Variants in SLC7A7 observed in about 807,000 individuals in gnomAD.
SLC7A7 encodes the protein Y+L amino acid transporter 1.
Under a neutral mutation model 47.9 loss-of-function variants are expected in SLC7A7, and 39 were observed. The ratio of observed to expected loss-of-function variants is 0.81; its 90% confidence interval spans 0.63 to 1.06. SLC7A7 has a LOEUF of 1.06. Ranked by LOEUF, SLC7A7 falls within the 50% of genes least tolerant of loss-of-function variation. SLC7A7 has a pLI of 0.00. For synonymous variants in SLC7A7, 234 were observed against 242.8 expected (o/e 0.96, Z 0.34); for missense variants, 588 against 632.0 (o/e 0.93, Z 0.75).
At chr14:22,799,448 C>CTTTTTTTTTTTTTTTTTTTT (rs56375225) in intron 2 of SLC7A7, among the ~76,000 whole-genome samples, 43 of 76,186 alleles carry the variant, frequency 5.6e-4, no homozygotes, top group Admixed American at 6.2e-4. Flanking sequence ...TTTTTTCTTT[C>CTTTTTTTTTTTTTTTTTTTT]TTTTTTTTTT....
At chr14:22,806,860 C>A (rs1328625682) in intron 2 of SLC7A7, among the ~76,000 whole-genome samples, 1 of 151,586 alleles carries the variant, frequency 6.6e-6, no homozygotes, top group Admixed American at 6.6e-5. Context: ...AGCTCCCCGA[C>A]CCCCGGCAAA....
upstream of SLC7A7, among the ~76,000 whole-genome samples, chr14:22,816,878 C>T (rs2039413754): frequency 6.6e-6 from 1 of 152,018 alleles, no homozygotes; most frequent in Non-Finnish European, 1.5e-5. Flanking sequence ...TCCCAGAGAT[C>T]ATGCTTCTCC....
rs375801568 is a variant in SLC7A7, at chr14:22,812,997, G to A, written c.402C>T (p.Ile134=). The part of the protein sequence containing the change: ...LLIIEPTSQA[I]IAITFANYMV... ...TGTAGTTGGCAAAGGTGATGGCAAT[G>A]ATGGCCTGGCTGGTGGGCTCAATGA... The change falls in exon 2 of 10, where the codon ATC becomes ATT. Residue 134 remains isoleucine (I), a synonymous_variant. Transcript: ENST00000674313. The A allele has an allele frequency of 1.2e-6, 2 of 1,614,054 alleles. No individual in the cohort carries two copies. The highest frequency in any genetic ancestry group is 2.2e-5 in the East Asian group (1 of 44,886).
At chr14:22,803,524 G>C (rs1351781541) in intron 2 of SLC7A7, among the ~76,000 whole-genome samples, 1 of 152,206 alleles carries the variant, frequency 6.6e-6, no homozygotes, top group African/African-American at 2.4e-5. Context: ...TGGAGTAAGG[G>C]AATAAGCTCT....
chr14:22,788,072 C>CA (rs1222180706), intron 2 of SLC7A7, among the ~76,000 whole-genome samples: 107 of 137,276 alleles, frequency 7.8e-4, no homozygotes, highest in Middle Eastern at 7.7e-3. Context: ...GAGTTCGTCT[C>CA]AAAAAAAAAA....
upstream of SLC7A7, chr14:22,815,835 A>G: frequency 2.7e-6 from 1 of 373,068 alleles, no homozygotes; most frequent in South Asian, 2.0e-5. Context: ...TCTCACCCCA[A>G]GCATTTAAGA....
intron 2 of SLC7A7, among the ~76,000 whole-genome samples, chr14:22,795,417 T>TC (rs2039001004): frequency 6.8e-6 from 1 of 146,712 alleles, no homozygotes; most frequent in Non-Finnish European, 1.5e-5. Flanking sequence ...TTTCTTTCTT[T>TC]CTTTCTTTCT....
chr14:22,774,632 A>G, intron 7 of SLC7A7, 129 bp from the exon 8 acceptor site: 2 of 1,245,888 alleles, frequency 1.6e-6, no homozygotes, highest in South Asian at 2.4e-5. Context: ...TCTGGTTTTA[A>G]TCCCTTTAAC....
chr14:22,780,309 A>C, intron 2 of SLC7A7: 1 of 451,056 alleles, frequency 2.2e-6, no homozygotes, highest in Non-Finnish European at 4.1e-6. Flanking sequence ...TGCTTACATA[A>C]AAAATACATC....
intron 8 of SLC7A7, 48 bp from the exon 9 acceptor site, chr14:22,774,164 AC>A (rs1239186786): frequency 3.1e-6 from 5 of 1,609,200 alleles, no homozygotes; most frequent in African/African-American, 1.3e-5. Flanking sequence ...AGGATTCTTA[AC>A]AGCTAAAATA....
chr14:22,782,753 C>T (rs1027587578), intron 2 of SLC7A7, among the ~76,000 whole-genome samples: 1 of 150,966 alleles, frequency 6.6e-6, no homozygotes, highest in Non-Finnish European at 1.5e-5. Flanking sequence ...TGAGCCACCA[C>T]ACCCGTCCCT....
intron 3 of SLC7A7, 137 bp from the exon 4 acceptor site, chr14:22,779,074 C>T (rs2038669095): frequency 1.7e-5 from 17 of 1,009,956 alleles, no homozygotes; most frequent in Non-Finnish European, 2.3e-5. Context: ...AGCAAGAGTA[C>T]CAGTAAGGGA....
chr14:22,810,039 C>CAAAAAAAAAAAAAAA, intron 2 of SLC7A7, among the ~76,000 whole-genome samples: 1 of 60,694 alleles, frequency 1.6e-5, no homozygotes, highest in Non-Finnish European at 2.8e-5. Context: ...AACACTGTCT[C>CAAAAAAAAAAAAAAA]AAAAAAAAAA....
At chr14:22,797,103 T>G (rs180890379) in intron 2 of SLC7A7, among the ~76,000 whole-genome samples, 3 of 152,320 alleles carry the variant, frequency 2.0e-5, no homozygotes, top group Admixed American at 2.0e-4. Context: ...TATCTTTATT[T>G]TACACTTGAG....
rs565437520 is a variant in SLC7A7, at chr14:22,805,017, AAAAC to A, written c.499+7879_499+7882del. 7.9e-5 allele frequency among the ~76,000 whole-genome samples: 12 copies of A among 152,250 alleles called. No individual in the cohort carries two copies. In the East Asian group the frequency reaches 1.7e-3, roughly 22 times the overall value. On this transcript the variant is annotated intron_variant, in intron 2 of 9. Transcript: ENST00000674313. Reference sequence around the variant, plus strand: ...AGTGAAACTTCGTCTCAAAAAACAAAAAACAAACAAACAAAAAAAGGCAAGAAAC... The same window carrying A: ...AGTGAAACTTCGTCTCAAAAAACAAAAAACAAACAAAAAAAGGCAAGAAAC...
rs186928948 is a variant in SLC7A7 at position 22,812,199 on chromosome 14, C to T, written c.499+701G>A. Among the ~76,000 whole-genome samples the T allele has an allele frequency of 4.6e-3, 699 of 151,952 alleles. 5 individuals carry two copies. The highest frequency in any genetic ancestry group is 0.016 in the African/African-American group (663 of 41,446). On this transcript the variant is annotated intron_variant, in intron 2 of 9. Transcript: ENST00000674313. ...TTTATTTTTTTGAGATAGAGTCTCA[C>T]TCTGTTGCCCAGGCTGGAGTGCAGT...
upstream of SLC7A7, among the ~76,000 whole-genome samples, chr14:22,817,491 C>A (rs1203671952): frequency 6.6e-6 from 1 of 152,166 alleles, no homozygotes; most frequent in African/African-American, 2.4e-5. Flanking sequence ...AGGTGCACAC[C>A]ACCACGCCCA....
At chr14:22,795,377 GCTTGCTTGCTTTCTTTCTTTCTTTCTTT>G (rs1355230350) in intron 2 of SLC7A7, among the ~76,000 whole-genome samples, 15 of 7,328 alleles carry the variant, frequency 2.0e-3, no homozygotes, top group Admixed American at 2.8e-3. Flanking sequence ...TCTGAGTATT[GCTTGCTTGCTTTCTTTCTTTCTTTCTTT>G]CTTTCTTTCT....
intron 6 of SLC7A7, 78 bp from the exon 7 acceptor site, chr14:22,775,618 C>A: frequency 8.3e-7 from 1 of 1,199,416 alleles, no homozygotes; most frequent in Non-Finnish European, 1.2e-6. Context: ...CATGGCCCTC[C>A]CTCTCTGCCA....
Sources: gnomAD v4.1 joint callset for allele counts (sites outside exome capture counted in the v4.1 genomes callset) on GRCh38, gnomAD v4.1.1 for gene constraint, MANE v1.5 for transcripts, NCBI Gene and HGNC (gene_info 2026-07-23, HGNC 2026-07-21) for gene names.